Variants in PTPRD observed in about 807,000 individuals in gnomAD.
The protein encoded by PTPRD is protein tyrosine phosphatase receptor type D, also known as receptor-type tyrosine-protein phosphatase delta.
PTPRD carries 34 observed loss-of-function variants against 214.5 expected under a neutral mutation model. The ratio of observed to expected loss-of-function variants is 0.16; its 90% CI spans 0.12 to 0.21. The LOEUF is 0.21. PTPRD is among the 10% of genes least tolerant of loss of function. The pLI is 1.00. For synonymous variants in PTPRD, 1,128 were observed against 845.7 expected (o/e 1.33, Z -5.79); for missense variants, 2,545 against 2,398.7 (o/e 1.06, Z -1.27).
intron 10 of PTPRD, among the ~76,000 whole-genome samples, chr9:9,118,456 T>G (rs1258852812): frequency 6.6e-6 from 1 of 152,160 alleles, no homozygotes; most frequent in Non-Finnish European, 1.5e-5. Flanking sequence ...CCCAGCAACT[T>G]TTTAGTCACA....
chr9:9,798,280 T>C lies in PTPRD; in HGVS notation c.-367-31429A>G, dbSNP rs143809317. ...GGTCAACAAGGGAAAATCATATTTA[T>C]TTAATATGAGTTTTACCTGACACAG... On this transcript the variant is annotated intron_variant, in intron 5 of 45. Transcript: ENST00000381196. 3.3e-4 allele frequency among the ~76,000 whole-genome samples: 50 copies of C among 152,302 alleles called. 1 individual carries two copies. Among genetic ancestry groups the C allele is most frequent in the African/African-American group, 1.2e-3 (49 of 41,572 alleles).
chr9:9,199,023 T>C (rs966863881), intron 9 of PTPRD, among the ~76,000 whole-genome samples: 9 of 152,122 alleles, frequency 5.9e-5, no homozygotes, highest in Non-Finnish European at 2.9e-5. Context: ...ATTTATATAG[T>C]ACCAAAGACA....
chr9:9,013,494 T>A (rs1236553080), intron 11 of PTPRD, among the ~76,000 whole-genome samples: 1 of 152,154 alleles, frequency 6.6e-6, no homozygotes, highest in Non-Finnish European at 1.5e-5. Flanking sequence ...TTTTTTTGTG[T>A]GTTTGTTTGT....
At chr9:9,686,670 C>T (rs183283536) in intron 7 of PTPRD, among the ~76,000 whole-genome samples, 24 of 151,728 alleles carry the variant, frequency 1.6e-4, no homozygotes, top group Admixed American at 5.9e-4. Context: ...CTACCCTTAA[C>T]ATTTGTGTAC....
At chr9:8,554,603 G>C (rs943529582) in intron 14 of PTPRD, among the ~76,000 whole-genome samples, 9 of 152,184 alleles carry the variant, frequency 5.9e-5, no homozygotes, top group African/African-American at 2.2e-4. Flanking sequence ...CTAAGAAATG[G>C]ACTTTGAGTG....
At chr9:9,719,829 C>A (rs183777738) in intron 7 of PTPRD, among the ~76,000 whole-genome samples, 51 of 152,294 alleles carry the variant, frequency 3.3e-4, no homozygotes, top group Non-Finnish European at 5.7e-4. Context: ...GGACATTGGT[C>A]CTACAGTAGA....
At chr9:9,580,322 C>T (rs2090335474) in intron 7 of PTPRD, among the ~76,000 whole-genome samples, 1 of 152,028 alleles carries the variant, frequency 6.6e-6, no homozygotes, top group Admixed American at 6.6e-5. Flanking sequence ...TTTACATTCC[C>T]ACCAACAGTG....
intron 12 of PTPRD, among the ~76,000 whole-genome samples, chr9:8,663,789 C>A (rs183233221): frequency 6.6e-6 from 1 of 151,808 alleles, no homozygotes; most frequent in Non-Finnish European, 1.5e-5. Flanking sequence ...CTGTGCCCAG[C>A]CTTTAATAGT....
chr9:10,476,236 C>T (rs1453611077), intron 2 of PTPRD, among the ~76,000 whole-genome samples: 1 of 152,098 alleles, frequency 6.6e-6, no homozygotes, highest in Non-Finnish European at 1.5e-5. Context: ...TAGAAAACCC[C>T]ATAGTCTCAG....
intron 10 of PTPRD, among the ~76,000 whole-genome samples, chr9:9,136,182 T>A (rs1482380968): frequency 6.6e-6 from 1 of 152,168 alleles, no homozygotes; most frequent in Non-Finnish European, 1.5e-5. Flanking sequence ...GTAAGGAGTT[T>A]ATGTTCACAT....
chr9:9,384,364 T>G (rs1569567876), intron 9 of PTPRD, among the ~76,000 whole-genome samples: 2 of 119,552 alleles, frequency 1.7e-5, no homozygotes, highest in African/African-American at 6.7e-5. Context: ...TTTTTTTTTT[T>G]TTTTTTTTTT....
chr9:9,319,933 T>C (rs1305515104), intron 9 of PTPRD, among the ~76,000 whole-genome samples: 3 of 152,114 alleles, frequency 2.0e-5, no homozygotes, highest in Non-Finnish European at 4.4e-5. Flanking sequence ...TTTTTAACAA[T>C]AGTAAAGTGA....
intron 11 of PTPRD, among the ~76,000 whole-genome samples, chr9:8,741,418 T>C (rs2091890086): frequency 6.6e-6 from 1 of 152,158 alleles, no homozygotes; most frequent in African/African-American, 2.4e-5. Flanking sequence ...CAACATGCCG[T>C]TGGAACTCTA....
At chr9:10,240,899 T>G (rs1318293543) in intron 3 of PTPRD, among the ~76,000 whole-genome samples, 1 of 151,710 alleles carries the variant, frequency 6.6e-6, no homozygotes, top group Non-Finnish European at 1.5e-5. Flanking sequence ...AACCTTTTGC[T>G]CATTAAAAGA....
intron 2 of PTPRD, among the ~76,000 whole-genome samples, chr9:10,348,095 G>A (rs551933502): frequency 6.6e-6 from 1 of 152,108 alleles, no homozygotes; most frequent in African/African-American, 2.4e-5. Context: ...GTGAACTATA[G>A]TCACACTATT....
chr9:9,877,234 A>G (rs2067151564), intron 5 of PTPRD, among the ~76,000 whole-genome samples: 1 of 152,182 alleles, frequency 6.6e-6, no homozygotes, highest in Non-Finnish European at 1.5e-5. Context: ...AGGTAATTCT[A>G]TATTTTTCTT....
chr9:10,088,511 G>C (rs2154195914), intron 3 of PTPRD, among the ~76,000 whole-genome samples: 1 of 151,778 alleles, frequency 6.6e-6, no homozygotes, highest in Non-Finnish European at 1.5e-5. Flanking sequence ...AGGCAGATAT[G>C]AGTCCTATAG....
At chr9:10,316,159 ATATC>A (rs2096419393) in intron 3 of PTPRD, among the ~76,000 whole-genome samples, 1 of 132,300 alleles carries the variant, frequency 7.6e-6, no homozygotes, top group Non-Finnish European at 1.6e-5. Context: ...GTATATATGT[ATATC>A]TATGTATATA....
intron 11 of PTPRD, among the ~76,000 whole-genome samples, chr9:8,889,254 G>A (rs13296381): frequency 1.3e-5 from 2 of 151,948 alleles, no homozygotes; most frequent in Non-Finnish European, 2.9e-5. Context: ...TAGAATGAGA[G>A]TGAGAAAGAG....
Sources: gnomAD v4.1 joint callset for allele counts (sites outside exome capture counted in the v4.1 genomes callset) on GRCh38, gnomAD v4.1.1 for gene constraint, MANE v1.5 for transcripts, NCBI Gene and HGNC (gene_info 2026-07-23, HGNC 2026-07-21) for gene names.